THSD7B: variants seen among roughly 807,000 people sequenced by gnomAD.
The protein encoded by THSD7B is thrombospondin type-1 domain-containing protein 7B.
THSD7B carries 138 observed loss-of-function variants against 213.6 expected under a neutral mutation model. That is an observed-to-expected ratio of 0.65 (90% confidence interval 0.56 to 0.74). The LOEUF is 0.74. THSD7B is among the 30% of genes least tolerant of loss of function. The pLI is 0.00. For missense variants in THSD7B, 1,931 were observed against 1,991.5 expected, an observed-to-expected ratio of 0.97 and a Z score of 0.58; for synonymous variants, 742 against 687.0, an observed-to-expected ratio of 1.08 and a Z score of -1.25.
intron 15 of THSD7B, among the ~76,000 whole-genome samples, chr2:137,562,060 C>A (rs1041346827): frequency 1.3e-5 from 2 of 152,132 alleles, no homozygotes; most frequent in African/African-American, 4.8e-5. Context: ...ACCTAACATG[C>A]TGACAGTGCT....
At chr2:137,015,780 T>TA (rs1411008624) in intron 2 of THSD7B, among the ~76,000 whole-genome samples, 1 of 152,158 alleles carries the variant, frequency 6.6e-6, no homozygotes, top group Non-Finnish European at 1.5e-5. Context: ...TCTGGCTACT[T>TA]ATCTGTTTTG....
intron 12 of THSD7B, among the ~76,000 whole-genome samples, chr2:137,354,438 A>C (rs1347048272): frequency 6.6e-6 from 1 of 152,172 alleles, no homozygotes; most frequent in African/African-American, 2.4e-5. Flanking sequence ...AATCGTATTC[A>C]TAGTTTGACC....
chr2:137,531,713 C>CA (rs1387987238), intron 15 of THSD7B, among the ~76,000 whole-genome samples: 2 of 151,994 alleles, frequency 1.3e-5, no homozygotes, highest in Non-Finnish European at 2.9e-5. Context: ...CAGTTAACTG[C>CA]AAGGGCTAGA....
intron 2 of THSD7B, among the ~76,000 whole-genome samples, chr2:137,037,982 TA>T (rs56018547): frequency 0.8 from 121,739 of 151,970 alleles, 49,421 homozygotes; most frequent in South Asian, 0.92. Flanking sequence ...TTAGCAAAAA[TA>T]AAAAAAAATG....
At chr2:137,251,525 T>C (rs946245339) in intron 10 of THSD7B, among the ~76,000 whole-genome samples, 1 of 152,200 alleles carries the variant, frequency 6.6e-6, no homozygotes, top group Non-Finnish European at 1.5e-5. Flanking sequence ...TTCAACCATA[T>C]GGTTATGGGA....
intron 2 of THSD7B, among the ~76,000 whole-genome samples, chr2:136,977,808 T>TGTTTTG (rs1553461921): frequency 8.6e-5 from 8 of 92,578 alleles, no homozygotes; most frequent in Non-Finnish European, 1.2e-4. Flanking sequence ...TTTGTTTTTT[T>TGTTTTG]TTTTTTTTTT....
At chr2:137,013,689 C>A (rs1686281351) in intron 2 of THSD7B, among the ~76,000 whole-genome samples, 1 of 152,082 alleles carries the variant, frequency 6.6e-6, no homozygotes. Context: ...CCTACCAACC[C>A]CCTGATCCTT....
intron 2 of THSD7B, among the ~76,000 whole-genome samples, chr2:136,999,914 A>C (rs1456018140): frequency 6.6e-6 from 1 of 152,174 alleles, no homozygotes; most frequent in Non-Finnish European, 1.5e-5. Flanking sequence ...GAGAGCAGTT[A>C]GGGTTCCAAA....
chr2:137,552,258 T>C (rs894237479), intron 15 of THSD7B, among the ~76,000 whole-genome samples: 2 of 152,130 alleles, frequency 1.3e-5, no homozygotes, highest in African/African-American at 4.8e-5. Context: ...ACTTTGAAAA[T>C]TCTGTTTCTG....
chr2:137,612,650 A>G (rs1386310790), intron 17 of THSD7B, among the ~76,000 whole-genome samples: 2 of 152,172 alleles, frequency 1.3e-5, no homozygotes, highest in East Asian at 3.9e-4. Flanking sequence ...GTTTAGCACT[A>G]TTAGGTCAAT....
chr2:137,676,185 G>A lies in THSD7B; in HGVS notation c.4740-339G>A, dbSNP rs551963057. Among the ~76,000 whole-genome samples, 3 of 152,304 alleles carry A rather than the reference G, an allele frequency of 2.0e-5. No homozygotes were observed. In the East Asian group the frequency reaches 5.8e-4, roughly 29 times the overall value. On this transcript the variant is annotated intron_variant, in intron 27 of 27. Coordinates refer to ENST00000409968, the MANE Select transcript of THSD7B (RefSeq NM_001316349.2). ...CCTGGCTGCTCCAGCTGCTTATGAT[G>A]TTGAGCATCTGTGATGTGAAGGTCA...
chr2:136,862,257 C>T (rs956843046), intron 1 of THSD7B, among the ~76,000 whole-genome samples: 1 of 152,138 alleles, frequency 6.6e-6, no homozygotes, highest in Non-Finnish European at 1.5e-5. Context: ...ATGACCCCAC[C>T]TTTCCCACTT....
chr2:137,543,356 C>T (rs2105194761), intron 15 of THSD7B, among the ~76,000 whole-genome samples: 2 of 151,928 alleles, frequency 1.3e-5, no homozygotes, highest in South Asian at 4.1e-4. Context: ...CAGCTTAACA[C>T]AGGTGCCAAG....
At chr2:137,675,408 A>G (rs1406895150) in intron 27 of THSD7B, among the ~76,000 whole-genome samples, 1 of 10,302 alleles carries the variant, frequency 9.7e-5, no homozygotes, top group Non-Finnish European at 2.1e-4. Context: ...AATGCCATAT[A>G]TATATATATA....
intron 12 of THSD7B, among the ~76,000 whole-genome samples, chr2:137,346,275 C>T (rs1216178648): frequency 6.6e-6 from 1 of 151,500 alleles, no homozygotes; most frequent in African/African-American, 2.4e-5. Context: ...CATCATTTTA[C>T]TTTATATTTC....
At chr2:136,847,676 G>A (rs967933016) in intron 1 of THSD7B, among the ~76,000 whole-genome samples, 1 of 152,098 alleles carries the variant, frequency 6.6e-6, no homozygotes, top group Non-Finnish European at 1.5e-5. Context: ...CCCTTTGCTT[G>A]ACAGGGTCTT....
intron 12 of THSD7B, among the ~76,000 whole-genome samples, chr2:137,282,561 A>C (rs891332245): frequency 4.6e-5 from 7 of 151,912 alleles, no homozygotes; most frequent in East Asian, 1.9e-4. Context: ...GTCTTTAATC[A>C]ATCTTGAATT....
At chr2:137,572,348 T>C (rs1681371582) in intron 16 of THSD7B, 58 bp from the exon 17 acceptor site, 7 of 1,583,060 alleles carry the variant, frequency 4.4e-6, no homozygotes, top group Non-Finnish European at 6.0e-6. Context: ...CATAACTATT[T>C]TAAATATACT....
chr2:136,841,471 C>A (rs1558822829), intron 1 of THSD7B, among the ~76,000 whole-genome samples: 1 of 151,108 alleles, frequency 6.6e-6, no homozygotes, highest in South Asian at 2.1e-4. Context: ...GTGGTGTGCA[C>A]CTACAGTCCC....
Sources: gnomAD v4.1 joint callset for allele counts (sites outside exome capture counted in the v4.1 genomes callset) on GRCh38, gnomAD v4.1.1 for gene constraint, MANE v1.5 for transcripts, NCBI Gene and HGNC (gene_info 2026-07-23, HGNC 2026-07-21) for gene names.